ASAH1: variants seen among roughly 807,000 people sequenced by gnomAD.
The protein encoded by ASAH1 is N-acylsphingosine amidohydrolase 1, also known as acid ceramidase.
Under a neutral mutation model 59.5 loss-of-function variants are expected in ASAH1, and 70 were observed. That is an observed-to-expected ratio of 1.18 (90% CI 0.97 to 1.43). The LOEUF is 1.43. Among genes scored for constraint, ASAH1 ranks in the 40% most tolerant of loss-of-function variants. The pLI is 0.00. For missense variants in ASAH1, 660 were observed against 482.5 expected (o/e 1.37, Z -3.45); for synonymous variants, 213 against 166.5 (o/e 1.28, Z -2.15).
chr8:18,064,925 A>C, intron 5 of ASAH1: 1 of 172,506 alleles, frequency 5.8e-6, no homozygotes, highest in Admixed American at 5.8e-5. Flanking sequence ...TAAAATTTCT[A>C]AGGTGAAAAA....
intron 1 of ASAH1, among the ~76,000 whole-genome samples, chr8:18,083,570 G>A (rs1028252125): frequency 2.6e-5 from 4 of 152,198 alleles, no homozygotes; most frequent in African/African-American, 7.2e-5. Flanking sequence ...CTGAACTCCT[G>A]AACTTCTTCG....
At chr8:18,077,102 C>G (rs189362548) in intron 1 of ASAH1, among the ~76,000 whole-genome samples, 17 of 152,310 alleles carry the variant, frequency 1.1e-4, no homozygotes, top group Non-Finnish European at 1.2e-4. Context: ...AGCTAGCAAG[C>G]TATCTAATGG....
chr8:18,066,501 T>C (rs1031805946), intron 5 of ASAH1: 1 of 147,260 alleles, frequency 6.8e-6, no homozygotes, highest in Non-Finnish European at 1.5e-5. Flanking sequence ...TAAAATGCGA[T>C]ACTGCGACAC....
chr8:18,075,353 T>C (rs1800359373), intron 2 of ASAH1, 188 bp downstream of exon 2: 1 of 718,392 alleles, frequency 1.4e-6, no homozygotes, highest in Non-Finnish European at 2.5e-6. Flanking sequence ...AATCGGAAGA[T>C]ATTTTCATAT....
At position 18,069,954 on chromosome 8, in the gene ASAH1, T is replaced by A. The variant is rs112839246; in HGVS notation, c.217-76A>T. On this transcript the variant is annotated intron_variant, in intron 3 of 13. Transcript: ENST00000637790. ...GATTACCTTTTGGCTTACCCATATG[T>A]AGCTAAAAGAGAGTGCTATTTGACA... 0.036 allele frequency: 35,898 copies of A among 995,018 alleles called. 876 individuals carry two copies. Among genetic ancestry groups the A allele is most frequent in the South Asian group, 0.062 (4,573 of 73,764 alleles). The allele number at this position is 995,018 out of a possible 1,614,324, so 61.6% of individuals were successfully genotyped here.
rs530730983 is a variant in ASAH1, at chr8:18,069,621, C to A, written c.303+171G>T. On this transcript the variant is annotated intron_variant, in intron 4 of 13. Transcript: ENST00000637790. The stretch of plus-strand genomic sequence containing the variant: ...AACCATAATTTGCTATGCTGTAACC[C>A]TAATATTACCAATTCCCCAAATTTA... 5 of 574,684 alleles carry A rather than the reference C, an allele frequency of 8.7e-6. No individual in the cohort carries two copies. In the East Asian group the frequency reaches 9.0e-5, roughly 10 times the overall value. 35.6% of individuals were successfully genotyped at this position (574,684 alleles called of 1,614,324 possible).
At chr8:18,084,136 C>T (rs1218808436), upstream of ASAH1, 5 of 1,576,424 alleles carry the variant, frequency 3.2e-6, no homozygotes, top group East Asian at 9.1e-5. Flanking sequence ...CAGGCCACGC[C>T]CCCTCCGCCG....
chr8:18,073,892 A>T (rs1800279893), intron 2 of ASAH1, among the ~76,000 whole-genome samples: 1 of 152,242 alleles, frequency 6.6e-6, no homozygotes, highest in African/African-American at 2.4e-5. Context: ...AGCTAGCGAA[A>T]AAATGAAGGC....
At chr8:18,062,035 GTGACTCCCAGCCCT>G in intron 8 of ASAH1, 1 of 623,660 alleles carries the variant, frequency 1.6e-6, no homozygotes, top group Admixed American at 2.9e-5. Context: ...AAATCAGATT[GTGACTCCCAGCCCT>G]TGACACCCAG....
intron 3 of ASAH1, 69 bp downstream of exon 3, chr8:18,071,231 A>G: frequency 1.2e-6 from 1 of 839,436 alleles, no homozygotes; most frequent in Non-Finnish European, 1.6e-6. Context: ...ATCAATCAAT[A>G]AATAAAAATA....
intron 5 of ASAH1, chr8:18,065,485 A>C (rs1799892477): frequency 6.6e-6 from 1 of 152,170 alleles, no homozygotes; most frequent in Admixed American, 6.5e-5. Context: ...GGCTATTTAA[A>C]ATAATGACAC....
chr8:18,073,459 T>A (rs908528923), intron 2 of ASAH1, among the ~76,000 whole-genome samples: 1 of 152,230 alleles, frequency 6.6e-6, no homozygotes, highest in Non-Finnish European at 1.5e-5. Flanking sequence ...TGAACCCACA[T>A]GGCTACCTAG....
At chr8:18,066,444 A>G (rs1426199178) in intron 5 of ASAH1, 2 of 151,076 alleles carry the variant, frequency 1.3e-5, no homozygotes, top group Non-Finnish European at 3.0e-5. Flanking sequence ...AAAAAAGTCA[A>G]TAAACTGTTC....
At chr8:18,076,671 GAGCTCAGAAAACTCTTGGAACTGTAGCTT>G (rs1350219835) in intron 1 of ASAH1, 5 of 152,106 alleles carry the variant, frequency 3.3e-5, no homozygotes, top group African/African-American at 9.7e-5. Flanking sequence ...ACTGTAGCTT[GAGCTCAGAAAACTCTTGGAACTGTAGCTT>G]GAGCTCAGAA....
intron 12 of ASAH1, 50 bp from the exon 13 acceptor site, chr8:18,058,941 AC>A: frequency 1.3e-6 from 2 of 1,523,272 alleles, no homozygotes; most frequent in East Asian, 4.5e-5. Flanking sequence ...ACAGAAGCCA[AC>A]AGCCTTATCT....
chr8:18,061,755 A>T lies in ASAH1; in HGVS notation c.649-15T>A. On this transcript the variant is annotated splice_polypyrimidine_tract_variant and intron_variant, in intron 8 of 13. Transcript: ENST00000637790. ...CTGAACAGTCCCTGAGAAAAAGACAAAGCAACGAAGTCAGAAACATCAACC... is the reference window on the plus strand; with the variant it reads ...CTGAACAGTCCCTGAGAAAAAGACATAGCAACGAAGTCAGAAACATCAACC... 1 of 1,562,222 alleles carries T rather than the reference A, an allele frequency of 6.4e-7. No homozygotes were observed. The highest frequency in any genetic ancestry group is 8.7e-7 in the Non-Finnish European group (1 of 1,151,858).
chr8:18,073,279 A>G (rs1020597711), intron 2 of ASAH1: 1 of 1,577,746 alleles, frequency 6.3e-7, no homozygotes, highest in East Asian at 2.2e-5. Flanking sequence ...GGAAGACACT[A>G]TATGAAAAAT....
intron 5 of ASAH1, chr8:18,064,835 G>A (rs796868212): frequency 9.9e-6 from 3 of 301,964 alleles, no homozygotes; most frequent in Non-Finnish European, 1.9e-5. Flanking sequence ...TCTTTTGGGA[G>A]CGTAAATATG....
rs541204900 is a variant in ASAH1 at position 18,059,375 on chromosome 8, G to A, written c.1007C>T (p.Pro336Leu). 12 of 1,614,094 alleles carry A rather than the reference G, an allele frequency of 7.4e-6. No individual in the cohort carries two copies. Among genetic ancestry groups the A allele is most frequent in the African/African-American group, 1.3e-5 (1 of 74,928 alleles). Residue 336 changes from proline to leucine, a missense_variant, in exon 12 of 14, where the codon CCT becomes CTT. Coordinates refer to ENST00000637790, the MANE Select transcript of ASAH1 (RefSeq NM_177924.5). ...GGTGCGGTTCAGACACATCTTTGCAGGCGTTCTGCGATCATCAAGGAAGAA... is the reference window on the plus strand; with the variant it reads ...GGTGCGGTTCAGACACATCTTTGCAAGCGTTCTGCGATCATCAAGGAAGAA... ...HPFFLDDRRT[P>L]AKMCLNRTSQ...
Sources: allele counts gnomAD v4.1 joint callset (sites outside exome capture counted in the v4.1 genomes callset), GRCh38; gene constraint gnomAD v4.1.1; transcripts MANE v1.5; gene names NCBI Gene and HGNC (gene_info 2026-07-23, HGNC 2026-07-21).